Variants in KARS1 observed in about 807,000 individuals in gnomAD.
KARS1 encodes the protein lysyl-tRNA synthetase 1.
In KARS1, 50 loss-of-function variants were observed where a neutral mutation model predicts 63.9. The observed-to-expected ratio is 0.78, with a 90% CI of 0.62 to 0.99. The LOEUF (loss-of-function observed/expected upper bound fraction) is 0.99. Ranked by LOEUF, KARS1 falls within the 50% of genes least tolerant of loss-of-function variation. The pLI, the probability that KARS1 is intolerant of heterozygous loss-of-function variation, is 0.00. For synonymous variants in KARS1, 320 were observed against 264.6 expected, an observed-to-expected ratio of 1.21 and a Z score of -2.03; for missense variants, 816 against 754.5, an observed-to-expected ratio of 1.08 and a Z score of -0.95.
rs762089174 is a variant in KARS1 at position 75,631,602 on chromosome 16, C to G, written c.1079-13G>C. ...TGCTTCACCATCCCTGGGAGAGAAA[C>G]CTGTTATTTAGCGGGAATGAAATCC... On this transcript the variant is annotated splice_polypyrimidine_tract_variant and intron_variant, in intron 8 of 13. Coordinates refer to ENST00000302445, the MANE Select transcript of KARS1 (RefSeq NM_005548.3). 5 of 1,613,968 alleles carry G rather than the reference C, an allele frequency of 3.1e-6. No homozygotes were observed. In the African/African-American group the frequency reaches 5.3e-5, roughly 17 times the overall value.
At position 75,631,565 on chromosome 16, in the gene KARS1, C is replaced by A. The variant is rs369536614; in HGVS notation, c.1103G>T (p.Ser368Ile). The A allele has an allele frequency of 1.4e-5, 22 of 1,614,018 alleles. No individual in the cohort carries two copies. In the African/African-American group the frequency reaches 2.1e-4, roughly 16 times the overall value. ...ATCTGGGTGGTAGGTGACCTTGTAA[C>A]TGCCTGTAATATGCTTCACCATCCC... is the stretch of plus-strand genomic sequence containing the variant. ...VSGMVKHITG[S>I]YKVTYHPDGP... is the part of the protein sequence containing the mutation. The change falls in exon 9 of 14, where the codon AGT (serine) becomes ATT (isoleucine). Residue 368 changes from serine to isoleucine, a missense_variant. Transcript: ENST00000302445.
chr16:75,640,273 T>A lies in KARS1; in HGVS notation c.299A>T (p.His100Leu), dbSNP rs1298749484. ...NGEDPYPHKF[H>L]VDISLTDFIQ... ...GAAGTCAGTGAGTGAGATGTCTACA[T>A]GGAACTTGTGTGGGTATGGGTCTTC... Residue 100 changes from histidine (H) to leucine (L), a missense_variant, in exon 3 of 14, where the codon CAT (histidine) becomes CTT (leucine). Transcript: ENST00000302445. 1.2e-6 allele frequency: 2 copies of A among 1,613,498 alleles called. No individual in the cohort carries two copies. Among genetic ancestry groups the A allele is most frequent in the Non-Finnish European group, 1.7e-6 (2 of 1,179,946 alleles).
At position 75,634,056 on chromosome 16, in the gene KARS1, C is replaced by T. The variant is rs6564270; in HGVS notation, c.915+117G>A. 184,155 of 1,108,626 alleles carry T rather than the reference C, an allele frequency of 0.17. 19,110 individuals carry two copies. The highest frequency in any genetic ancestry group is 0.46 in the African/African-American group (30,204 of 65,056). The allele number at this position is 1,108,626 out of a possible 1,614,324, so 68.7% of individuals were successfully genotyped here. A position where few individuals can be genotyped will look rare whatever the true frequency, so the allele number is the denominator to read the frequency against. On this transcript the variant is annotated intron_variant, in intron 7 of 13. Coordinates refer to ENST00000302445, the MANE Select transcript of KARS1 (RefSeq NM_005548.3). The stretch of plus-strand genomic sequence containing the variant: ...CATCCACACACCTGACCCATCAGAA[C>T]ACTTTCTTGGCTGCTTTACTCTCTC...
At chr16:75,646,407 G>A (rs1003243337) in intron 1 of KARS1, among the ~76,000 whole-genome samples, 5 of 151,984 alleles carry the variant, frequency 3.3e-5, no homozygotes, top group Non-Finnish European at 5.9e-5. Flanking sequence ...CAGCCATGGT[G>A]GCACACGCCT....
At position 75,630,474 on chromosome 16, in the gene KARS1, T is replaced by A; in HGVS notation, c.1373A>T (p.Asn458Ile). 1 of 1,612,388 alleles carries A rather than the reference T, an allele frequency of 6.2e-7. No individual in the cohort carries two copies. Among genetic ancestry groups the A allele is most frequent in the South Asian group, 1.1e-5 (1 of 91,054 alleles). The change falls in exon 11 of 14, where the codon AAT (asparagine) becomes ATT (isoleucine). Residue 458 changes from asparagine (N) to isoleucine (I), a missense_variant. Physicochemically the swap from Asn to Ile is moderately radical, Grantham distance 149. Coordinates refer to ENST00000302445, the MANE Select transcript of KARS1 (RefSeq NM_005548.3). ...VGEFLEVTCINPTFICDHPQI... is the reference protein window; with the variant it reads ...VGEFLEVTCIIPTFICDHPQI... ...TGGGTGATCACAGATGAATGTAGGATTGATGCAAGTCACTTCCAGGAACTC... is the reference window on the plus strand; with the variant it reads ...TGGGTGATCACAGATGAATGTAGGAATGATGCAAGTCACTTCCAGGAACTC...
intron 4 of KARS1, 74 bp downstream of exon 4, chr16:75,636,380 A>G: frequency 1.0e-6 from 1 of 982,824 alleles, no homozygotes; most frequent in South Asian, 1.3e-5. Context: ...AAATACCAGT[A>G]AGACCACATC....
chr16:75,646,001 G>A (rs921534319), intron 1 of KARS1, among the ~76,000 whole-genome samples: 1 of 152,100 alleles, frequency 6.6e-6, no homozygotes, highest in Non-Finnish European at 1.5e-5. Flanking sequence ...TGGTTTGAAA[G>A]AATGAACTAA....
chr16:75,637,302 C>T (rs569824465), intron 3 of KARS1, among the ~76,000 whole-genome samples: 15 of 151,632 alleles, frequency 9.9e-5, no homozygotes, highest in African/African-American at 2.9e-4. Context: ...GACCTCTATA[C>T]GGGGAAAAAG....
At chr16:75,639,261 G>C (rs1325377429) in intron 3 of KARS1, among the ~76,000 whole-genome samples, 2 of 151,928 alleles carry the variant, frequency 1.3e-5, no homozygotes, top group East Asian at 1.9e-4. Flanking sequence ...TACTGAACTA[G>C]AATAACTAAC....
intron 1 of KARS1, among the ~76,000 whole-genome samples, chr16:75,642,501 C>T (rs570617262): frequency 6.6e-6 from 1 of 152,240 alleles, no homozygotes; most frequent in South Asian, 2.1e-4. Flanking sequence ...CTGACCCCTC[C>T]AATGCCAGAT....
At position 75,641,765 on chromosome 16, in the gene KARS1, A is replaced by G. The variant is rs748163177; in HGVS notation, c.63-42T>C. On this transcript the variant is annotated intron_variant, in intron 1 of 13. Transcript: ENST00000302445. ...AGCGTTCAATGTGTTAGCTGCCTGA[A>G]GAGTCCTCTATGTTCTGCCCCTAGC... The G allele has an allele frequency of 6.9e-6, 11 of 1,605,708 alleles. No individual in the cohort carries two copies. In the East Asian group the frequency reaches 2.2e-4, roughly 33 times the overall value.
At chr16:75,640,450 A>G (rs1403511297) in intron 2 of KARS1, 101 bp from the exon 3 acceptor site, 5 of 1,083,992 alleles carry the variant, frequency 4.6e-6, no homozygotes, top group Non-Finnish European at 7.0e-6. Context: ...GAGTGACCCC[A>G]ATACATTGTT....
chr16:75,641,501 C>T, intron 2 of KARS1, 63 bp downstream of exon 2: 1 of 1,463,472 alleles, frequency 6.8e-7, no homozygotes, highest in Admixed American at 1.8e-5. Context: ...CCCAAAGAAT[C>T]TGCCAGAAGC....
At chr16:75,629,165 C>T (rs1257492657) in intron 12 of KARS1, among the ~76,000 whole-genome samples, 1 of 152,174 alleles carries the variant, frequency 6.6e-6, no homozygotes. Context: ...AATGTTCTTG[C>T]TTGGCAAGTG....
rs773240290 is a variant in KARS1, at chr16:75,631,388, A to T, written c.1252+28T>A. 7 of 1,612,690 alleles carry T rather than the reference A, an allele frequency of 4.3e-6. No individual in the cohort carries two copies. In the African/African-American group the frequency reaches 9.3e-5, roughly 22 times the overall value. ...AGCTGAACAGGAAGGAGGGCCTTAC[A>T]ACGGAGGAGTGAGTGTTGTCACTTT... On this transcript the variant is annotated intron_variant, in intron 9 of 13. Transcript: ENST00000302445.
chr16:75,642,135 C>G (rs1028815912), intron 1 of KARS1, among the ~76,000 whole-genome samples: 3 of 136,068 alleles, frequency 2.2e-5, no homozygotes, highest in Non-Finnish European at 4.7e-5. Flanking sequence ...GTGACTGAAT[C>G]TTAGTTGTTT....
At chr16:75,636,604 T>A in intron 3 of KARS1, 57 bp from the exon 4 acceptor site, 1 of 1,084,554 alleles carries the variant, frequency 9.2e-7, no homozygotes. Flanking sequence ...TTTTATGGTA[T>A]CAGTGTCAAA....
At chr16:75,645,206 A>G (rs1445250725) in intron 1 of KARS1, among the ~76,000 whole-genome samples, 1 of 106,082 alleles carries the variant, frequency 9.4e-6, no homozygotes, top group Non-Finnish European at 2.3e-5. Flanking sequence ...TGTTAATCAG[A>G]AAAAAATTAT....
In KARS1 at chr16:75,631,673, T is replaced by C. The variant is rs568709499; in HGVS notation, c.1078+20A>G. 7 of 1,614,146 alleles carry C rather than the reference T, an allele frequency of 4.3e-6. No individual in the cohort carries two copies. The highest frequency in any genetic ancestry group is 3.3e-4 in the Middle Eastern group (2 of 6,062). On this transcript the variant is annotated intron_variant, in intron 8 of 13. Coordinates refer to ENST00000302445, the MANE Select transcript of KARS1 (RefSeq NM_005548.3). ...CAGCATACCAACCACCCGATGAGTATGAGAGAGAGCAGGAGTCACCTGAAA... is the reference window on the plus strand; with the variant it reads ...CAGCATACCAACCACCCGATGAGTACGAGAGAGAGCAGGAGTCACCTGAAA...
Sources: gnomAD v4.1 joint callset for allele counts (sites outside exome capture counted in the v4.1 genomes callset) on GRCh38, gnomAD v4.1.1 for gene constraint, MANE v1.5 for transcripts, NCBI Gene and HGNC (gene_info 2026-07-23, HGNC 2026-07-21) for gene names.